SLC2A13: variants seen among roughly 807,000 people sequenced by gnomAD.
SLC2A13 encodes solute carrier family 2 member 13.
SLC2A13 carries 32 observed loss-of-function variants against 64.4 expected under a neutral mutation model. The observed-to-expected ratio is 0.50, with a 90% confidence interval of 0.37 to 0.67. The LOEUF (loss-of-function observed/expected upper bound fraction) is 0.67. SLC2A13 is among the 30% of genes least tolerant of loss of function. The pLI is 0.00. For missense variants in SLC2A13, 743 were observed against 829.2 expected, an observed-to-expected ratio of 0.90 and a Z score of 1.28; for synonymous variants, 338 against 327.1, an observed-to-expected ratio of 1.03 and a Z score of -0.36.
intron 4 of SLC2A13, among the ~76,000 whole-genome samples, chr12:39,920,012 G>A (rs1376796103): frequency 6.6e-6 from 1 of 151,794 alleles, no homozygotes; most frequent in Non-Finnish European, 1.5e-5. Context: ...TGTTACTTAG[G>A]AGTCCAGCTG....
At chr12:39,947,315 G>C (rs1946152208) in intron 4 of SLC2A13, among the ~76,000 whole-genome samples, 3 of 152,144 alleles carry the variant, frequency 2.0e-5, no homozygotes, top group Admixed American at 6.5e-5. Context: ...CCTTAAAAGA[G>C]AGTCATTTAA....
At chr12:40,063,006 C>T (rs9804842) in intron 1 of SLC2A13, among the ~76,000 whole-genome samples, 33,437 of 151,942 alleles carry the variant, frequency 0.22, 4,304 homozygotes, top group East Asian at 0.49. Flanking sequence ...TTCATTAATG[C>T]TTCTATAAAT....
At chr12:39,960,482 C>A (rs1005858814) in intron 3 of SLC2A13, among the ~76,000 whole-genome samples, 29 of 152,170 alleles carry the variant, frequency 1.9e-4, no homozygotes, top group African/African-American at 6.0e-4. Flanking sequence ...CAGGTTCCAG[C>A]AATTCTCCTG....
chr12:39,886,614 G>A (rs1944472261), intron 4 of SLC2A13, among the ~76,000 whole-genome samples: 1 of 151,648 alleles, frequency 6.6e-6, no homozygotes, highest in South Asian at 2.1e-4. Flanking sequence ...AAATGTTTTG[G>A]TGTGTTTGAA....
At chr12:39,813,093 C>A (rs1193444371) in intron 7 of SLC2A13, among the ~76,000 whole-genome samples, 5 of 146,258 alleles carry the variant, frequency 3.4e-5, no homozygotes, top group African/African-American at 1.0e-4. Context: ...GATCCACCTA[C>A]CTCGGCCTCC....
chr12:40,008,859 A>C (rs1379170342), intron 3 of SLC2A13, among the ~76,000 whole-genome samples: 1 of 152,230 alleles, frequency 6.6e-6, no homozygotes. Context: ...ACATGTGCTC[A>C]AGAAAACATA....
chr12:39,787,329 T>C (rs1418355597), intron 7 of SLC2A13, among the ~76,000 whole-genome samples: 1 of 152,186 alleles, frequency 6.6e-6, no homozygotes, highest in East Asian at 1.9e-4. Context: ...ATAACAGTAA[T>C]TACTGTTGTT....
chr12:39,962,654 A>G (rs1446659887), intron 3 of SLC2A13, among the ~76,000 whole-genome samples: 1 of 152,226 alleles, frequency 6.6e-6, no homozygotes, highest in Non-Finnish European at 1.5e-5. Flanking sequence ...TCTTAGTGAT[A>G]TAATAAAGTT....
intron 6 of SLC2A13, among the ~76,000 whole-genome samples, chr12:39,839,323 C>T (rs1336151679): frequency 6.6e-6 from 1 of 151,970 alleles, no homozygotes; most frequent in African/African-American, 2.4e-5. Flanking sequence ...CGGTTGATTT[C>T]CTCTCCCTGT....
At chr12:39,913,543 C>T (rs189426994) in intron 4 of SLC2A13, among the ~76,000 whole-genome samples, 3 of 149,652 alleles carry the variant, frequency 2.0e-5, no homozygotes, top group Admixed American at 2.0e-4. Context: ...AAATTGTCCA[C>T]AAAAGACAAA....
intron 1 of SLC2A13, among the ~76,000 whole-genome samples, chr12:40,103,411 A>T (rs1469353552): frequency 1.3e-5 from 2 of 152,190 alleles, no homozygotes; most frequent in African/African-American, 4.8e-5. Context: ...AACCTATCTT[A>T]TAAAGCTTAG....
At chr12:39,796,874 T>C (rs925702926) in intron 7 of SLC2A13, among the ~76,000 whole-genome samples, 1 of 152,216 alleles carries the variant, frequency 6.6e-6, no homozygotes, top group Non-Finnish European at 1.5e-5. Context: ...ACTTCCTCTC[T>C]AGTTATTTCC....
chr12:39,889,699 A>G (rs1944555559), intron 4 of SLC2A13, among the ~76,000 whole-genome samples: 1 of 151,688 alleles, frequency 6.6e-6, no homozygotes, highest in Admixed American at 6.6e-5. Context: ...CGCCCGGCTA[A>G]TTTTTGTATT....
At chr12:39,952,116 A>G (rs917215503) in intron 3 of SLC2A13, among the ~76,000 whole-genome samples, 2 of 152,140 alleles carry the variant, frequency 1.3e-5, no homozygotes, top group Non-Finnish European at 2.9e-5. Flanking sequence ...AGTTCTGGAA[A>G]GCTGTAAATC....
At chr12:39,940,216 T>C (rs1199085384) in intron 4 of SLC2A13, among the ~76,000 whole-genome samples, 1 of 152,190 alleles carries the variant, frequency 6.6e-6, no homozygotes, top group Non-Finnish European at 1.5e-5. Flanking sequence ...TTTAGAGAGA[T>C]GCTGCTCTAA....
intron 4 of SLC2A13, among the ~76,000 whole-genome samples, chr12:39,935,695 C>T (rs1411116677): frequency 6.6e-6 from 1 of 152,072 alleles, no homozygotes; most frequent in Non-Finnish European, 1.5e-5. Flanking sequence ...TTACATTGGC[C>T]CCTTGGTTCA....
chr12:39,802,414 T>C (rs1941824911), intron 7 of SLC2A13: 1 of 152,060 alleles, frequency 6.6e-6, no homozygotes, highest in African/African-American at 2.4e-5. Flanking sequence ...AAGACTAAGA[T>C]GGTTGATGCA....
chr12:40,016,468 A>T (rs1159699330), intron 3 of SLC2A13, among the ~76,000 whole-genome samples: 1 of 152,192 alleles, frequency 6.6e-6, no homozygotes, highest in East Asian at 1.9e-4. Flanking sequence ...AACAAAACAA[A>T]CACCAAATTT....
chr12:39,875,473 C>T (rs1488509023), intron 4 of SLC2A13, among the ~76,000 whole-genome samples: 1 of 152,208 alleles, frequency 6.6e-6, no homozygotes, highest in Non-Finnish European at 1.5e-5. Flanking sequence ...ACCTTAATTT[C>T]CTTTTGCCAT....
Sources: gnomAD v4.1 joint callset for allele counts (sites outside exome capture counted in the v4.1 genomes callset) on GRCh38, gnomAD v4.1.1 for gene constraint, MANE v1.5 for transcripts, NCBI Gene and HGNC (gene_info 2026-07-23, HGNC 2026-07-21) for gene names.